The following BANF2 variants were observed in gnomAD, a reference collection of about 807,000 sequenced individuals.
BANF2 encodes the protein barrier-to-autointegration factor-like protein.
Under a neutral mutation model 8.0 loss-of-function variants are expected in BANF2, and 4 were observed. That is an observed-to-expected ratio of 0.50 (90% CI 0.25 to 1.14). The LOEUF is 1.14. Among genes scored for constraint, BANF2 ranks in the 50% most tolerant of loss-of-function variants. The probability of loss-of-function intolerance (pLI) is 0.16; values close to 1 mark genes in which losing one functional copy is unlikely to be tolerated. For synonymous variants in BANF2, 50 were observed against 40.6 expected (o/e 1.23, Z -0.88); for missense variants, 96 against 107.5 (o/e 0.89, Z 0.47).
At position 17,735,842 on chromosome 20, in the gene BANF2, C is replaced by G. The variant is rs750732875; in HGVS notation, c.*31C>G. The G allele has an allele frequency of 3.1e-6, 5 of 1,595,406 alleles. No individual in the cohort carries two copies. Among genetic ancestry groups the G allele is most frequent in the Non-Finnish European group, 4.3e-6 (5 of 1,166,948 alleles). ...AACCTCATTGCTGCCCCCCACCACC[C>G]TCTGGGGAAAATGACGCCTTCTCCA... On this transcript the variant is annotated 3_prime_UTR_variant, in exon 4 of 4. Coordinates refer to ENST00000246090, the MANE Select transcript of BANF2 (RefSeq NM_178477.5).
upstream of BANF2, among the ~76,000 whole-genome samples, chr20:17,699,185 C>T (rs572982709): frequency 2.6e-5 from 4 of 152,306 alleles, no homozygotes; most frequent in East Asian, 7.7e-4. Flanking sequence ...GTTTCCAAAG[C>T]GAAGCCGTTT....
At chr20:17,698,431 C>G (rs963916344), upstream of BANF2, among the ~76,000 whole-genome samples, 1 of 152,200 alleles carries the variant, frequency 6.6e-6, no homozygotes, top group Non-Finnish European at 1.5e-5. Context: ...TACCCAGCCT[C>G]AGATATTTCT....
intron 1 of BANF2, among the ~76,000 whole-genome samples, chr20:17,712,763 G>A (rs2037593534): frequency 6.6e-6 from 1 of 152,116 alleles, no homozygotes; most frequent in African/African-American, 2.4e-5. Flanking sequence ...GGCAGAGAGA[G>A]GCGGGATCAG....
intron 1 of BANF2, among the ~76,000 whole-genome samples, chr20:17,717,434 G>C (rs550441199): frequency 1.2e-4 from 19 of 152,242 alleles, no homozygotes; most frequent in Non-Finnish European, 2.1e-4. Context: ...GGATGTCAGT[G>C]CTTTGAATAT....
At chr20:17,713,840 T>C (rs975389364) in intron 1 of BANF2, among the ~76,000 whole-genome samples, 1 of 149,634 alleles carries the variant, frequency 6.7e-6, no homozygotes, top group African/African-American at 2.5e-5. Flanking sequence ...ATCTCAAAAA[T>C]AAAAAATAAA....
At chr20:17,734,480 T>G (rs1430266680) in intron 3 of BANF2, among the ~76,000 whole-genome samples, 2 of 152,220 alleles carry the variant, frequency 1.3e-5, no homozygotes, top group African/African-American at 2.4e-5. Flanking sequence ...GAGATCCAGG[T>G]TCTGTGGGTT....
At chr20:17,729,223 C>T (rs557640505) in intron 3 of BANF2, among the ~76,000 whole-genome samples, 22 of 152,274 alleles carry the variant, frequency 1.4e-4, no homozygotes, top group South Asian at 6.2e-4. Context: ...TTCTCTGTCC[C>T]GCTGCCCCAT....
At chr20:17,699,274 A>G (rs1355651628), upstream of BANF2, among the ~76,000 whole-genome samples, 3 of 152,192 alleles carry the variant, frequency 2.0e-5, no homozygotes, top group African/African-American at 7.2e-5. Context: ...AACATTTTAT[A>G]CTTTGCCCCC....
chr20:17,716,370 T>TC (rs2037652382), intron 1 of BANF2, among the ~76,000 whole-genome samples: 1 of 151,898 alleles, frequency 6.6e-6, no homozygotes, highest in Non-Finnish European at 1.5e-5. Context: ...AGACAGGGTC[T>TC]CCCCTAGGCT....
chr20:17,728,780 G>A (rs910039095), intron 3 of BANF2, among the ~76,000 whole-genome samples: 1 of 152,134 alleles, frequency 6.6e-6, no homozygotes, highest in Non-Finnish European at 1.5e-5. Flanking sequence ...CTTCCCAGGG[G>A]CAATCAGCAT....
At chr20:17,710,234 G>C (rs569984663) in intron 1 of BANF2, among the ~76,000 whole-genome samples, 6 of 152,174 alleles carry the variant, frequency 3.9e-5, no homozygotes, top group Non-Finnish European at 7.4e-5. Flanking sequence ...CCCTGGGGGG[G>C]ACATGGGCAG....
At chr20:17,735,120 A>AAAGAG (rs1415866850) in intron 3 of BANF2, among the ~76,000 whole-genome samples, 5 of 151,760 alleles carry the variant, frequency 3.3e-5, no homozygotes, top group Admixed American at 1.3e-4. Context: ...AAAGAAAAGA[A>AAAGAG]AAGAGAAGAA....
At chr20:17,703,025 C>T (rs1340529115) in intron 1 of BANF2, among the ~76,000 whole-genome samples, 1 of 152,192 alleles carries the variant, frequency 6.6e-6, no homozygotes, top group Admixed American at 6.5e-5. Context: ...TCTCATTCCC[C>T]TCTCCTGGCT....
In BANF2 at chr20:17,735,824, T is replaced by C. The variant is rs368934073; in HGVS notation, c.*13T>C. ...CTGCTTCCTGTAGACACAAACCTCA[T>C]TGCTGCCCCCCACCACCCTCTGGGG... is the stretch of plus-strand genomic sequence containing the variant. On this transcript the variant is annotated 3_prime_UTR_variant, in exon 4 of 4. Transcript: ENST00000246090. 1.2e-6 allele frequency: 2 copies of C among 1,606,404 alleles called. No homozygotes were observed. The highest frequency in any genetic ancestry group is 1.7e-6 in the Non-Finnish European group (2 of 1,174,820).
chr20:17,724,523 T>C (rs924294343), intron 2 of BANF2, among the ~76,000 whole-genome samples: 8 of 152,202 alleles, frequency 5.3e-5, no homozygotes, highest in African/African-American at 1.9e-4. Context: ...CATTCCCACC[T>C]GCAGGCTTTG....
At position 17,713,768 on chromosome 20, in the gene BANF2, G is replaced by C. The variant is rs906323302; in HGVS notation, c.-166-8948G>C. Among the ~76,000 whole-genome samples, 9 of 152,122 alleles carry C rather than the reference G, an allele frequency of 5.9e-5. No individual in the cohort carries two copies. In the East Asian group the frequency reaches 1.7e-3, roughly 29 times the overall value. ...GAGGATTGCTTGAACCTGGGAGTTC[G>C]AGACTGCAGTGAGCTATAATCAGGC... On this transcript the variant is annotated intron_variant, in intron 1 of 3. Coordinates refer to ENST00000246090, the MANE Select transcript of BANF2 (RefSeq NM_178477.5).
At chr20:17,732,952 A>C (rs1260493137) in intron 3 of BANF2, among the ~76,000 whole-genome samples, 1 of 152,168 alleles carries the variant, frequency 6.6e-6, no homozygotes, top group Non-Finnish European at 1.5e-5. Flanking sequence ...AGCAGGGTGA[A>C]GTGCTCAGGG....
At chr20:17,733,776 C>T (rs1180472036) in intron 3 of BANF2, among the ~76,000 whole-genome samples, 1 of 152,100 alleles carries the variant, frequency 6.6e-6, no homozygotes, top group Non-Finnish European at 1.5e-5. Flanking sequence ...TTTCTCTTAT[C>T]AACAACTGGA....
At chr20:17,700,629 C>T (rs1885080) in intron 1 of BANF2, among the ~76,000 whole-genome samples, 4 of 152,024 alleles carry the variant, frequency 2.6e-5, no homozygotes, top group East Asian at 1.9e-4. Flanking sequence ...GCTTTAGGAT[C>T]GTGACGGGAA....
Sources: gnomAD v4.1 joint callset for allele counts (sites outside exome capture counted in the v4.1 genomes callset) on GRCh38, gnomAD v4.1.1 for gene constraint, MANE v1.5 for transcripts, NCBI Gene and HGNC (gene_info 2026-07-23, HGNC 2026-07-21) for gene names.